The following OTOG variants were observed in gnomAD, a reference collection of about 807,000 sequenced individuals.
OTOG encodes otogelin.
A neutral mutation model predicts 313.8 loss-of-function variants in OTOG; 296 were observed. The ratio of observed to expected loss-of-function variants is 0.94; its 90% CI spans 0.86 to 1.04. The LOEUF is 1.04. Among genes scored for constraint, OTOG ranks in the 50% least tolerant of loss-of-function variants. OTOG has a pLI of 0.00. For missense variants in OTOG, 3,948 were observed against 3,840.1 expected, an observed-to-expected ratio of 1.03 and a Z score of -0.74; for synonymous variants, 1,533 against 1,554.9, an observed-to-expected ratio of 0.99 and a Z score of 0.33.
At chr11:17,561,053 A>G (rs1565092931) in intron 13 of OTOG, 38 bp from the exon 14 acceptor site, 2 of 1,549,472 alleles carry the variant, frequency 1.3e-6, no homozygotes, top group African/African-American at 2.7e-5. Flanking sequence ...TCAGGCCTGG[A>G]GGGGTGACCT....
At position 17,561,738 on chromosome 11, in the gene OTOG, G is replaced by A; in HGVS notation, c.1575G>A (p.Gln525=). The A allele has an allele frequency of 1.3e-6, 2 of 1,550,494 alleles. No individual in the cohort carries two copies. The highest frequency in any genetic ancestry group is 1.4e-5 in the African/African-American group (1 of 73,128). The change falls in exon 15 of 56, where the codon CAG becomes CAA. Residue 525 remains glutamine (Q), a synonymous_variant. Coordinates refer to ENST00000399397, the MANE Select transcript of OTOG (RefSeq NM_001292063.2). ...GGTACACGTTCCCCGCCACATGTCA[G>A]TACATCCTGGCCAAGAGCCGCTCTT... ...GRRYTFPATC[Q]YILAKSRSSG...
intron 24 of OTOG, 29 bp downstream of exon 24, chr11:17,586,610 T>C: frequency 1.6e-6 from 2 of 1,285,888 alleles, no homozygotes; most frequent in Non-Finnish European, 2.0e-6. Flanking sequence ...CAGGCTTTGC[T>C]TTTTTGCTGG....
chr11:17,588,439 G>T (rs926757087), intron 24 of OTOG, among the ~76,000 whole-genome samples: 4 of 151,972 alleles, frequency 2.6e-5, no homozygotes, highest in African/African-American at 9.7e-5. Flanking sequence ...CAGCATGGTC[G>T]GCAGCATGGT....
intron 54 of OTOG, among the ~76,000 whole-genome samples, chr11:17,643,818 C>T (rs1459109980): frequency 6.6e-6 from 1 of 152,230 alleles, no homozygotes; most frequent in Non-Finnish European, 1.5e-5. Flanking sequence ...CCTGCCCCTG[C>T]CAAGGCCCCC....
chr11:17,551,964 G>GC, intron 3 of OTOG, 36 bp from the exon 4 acceptor site: 2 of 1,541,508 alleles, frequency 1.3e-6, no homozygotes, highest in East Asian at 4.9e-5. Context: ...CCTGAGGTCA[G>GC]CCCTCGATGT....
At chr11:17,634,661 C>G (rs1854216585) in intron 44 of OTOG, among the ~76,000 whole-genome samples, 183 bp from the exon 45 acceptor site, 1 of 152,120 alleles carries the variant, frequency 6.6e-6, no homozygotes, top group South Asian at 2.1e-4. Flanking sequence ...TGCTGATCTT[C>G]TGTCCCAGCC....
rs539143651 is a variant in OTOG, at chr11:17,611,222, C to T, written c.5922C>T (p.Ala1974=). 1.3e-6 allele frequency: 2 copies of T among 1,550,452 alleles called. No homozygotes were observed. The highest frequency in any genetic ancestry group is 1.7e-6 in the Non-Finnish European group (2 of 1,147,002). ...TGAGCCGTGTCTCAGCCAGGACGGCCCCCCAAGACAGCATGCTGGTTCTGT... is the reference window on the plus strand; with the variant it reads ...TGAGCCGTGTCTCAGCCAGGACGGCTCCCCAAGACAGCATGCTGGTTCTGT... The part of the protein sequence containing the change: ...YALSRVSART[A]PQDSMLVLLP... The change falls in exon 36 of 56, where the codon GCC becomes GCT. Residue 1974 remains alanine (A), a synonymous_variant. Coordinates refer to ENST00000399397, the MANE Select transcript of OTOG (RefSeq NM_001292063.2).
At chr11:17,555,646 C>T (rs73418056) in intron 6 of OTOG, 133 bp from the exon 7 acceptor site, 16 of 675,360 alleles carry the variant, frequency 2.4e-5, no homozygotes, top group South Asian at 3.6e-5. Flanking sequence ...GGGGACTGAG[C>T]GAGATCACAG....
chr11:17,625,176 A>G (rs185582430), intron 39 of OTOG, among the ~76,000 whole-genome samples: 2 of 152,306 alleles, frequency 1.3e-5, no homozygotes, highest in East Asian at 1.9e-4. Context: ...TGCTCTGGCC[A>G]GGACTTCCAA....
chr11:17,583,581 T>C (rs1852724155), intron 23 of OTOG, among the ~76,000 whole-genome samples: 1 of 152,152 alleles, frequency 6.6e-6, no homozygotes, highest in Non-Finnish European at 1.5e-5. Flanking sequence ...AACACTTTCT[T>C]CTCCCCATGT....
chr11:17,637,147 G>A (rs1258653294), intron 47 of OTOG, among the ~76,000 whole-genome samples: 4 of 152,150 alleles, frequency 2.6e-5, no homozygotes, highest in African/African-American at 7.2e-5. Flanking sequence ...TGCTTTAGTG[G>A]ATACATATCC....
intron 23 of OTOG, among the ~76,000 whole-genome samples, chr11:17,580,495 A>T (rs543364794): frequency 1.3e-5 from 2 of 152,340 alleles, no homozygotes; most frequent in South Asian, 4.1e-4. Flanking sequence ...AATTGAAGGC[A>T]CCTTGAGGAC....
chr11:17,642,203 C>G lies in OTOG; in HGVS notation c.8372C>G (p.Ser2791Cys), dbSNP rs1377828040. 1.3e-6 allele frequency: 2 copies of G among 1,550,134 alleles called. No individual in the cohort carries two copies. The highest frequency in any genetic ancestry group is 1.4e-5 in the African/African-American group (1 of 73,034). Residue 2791 changes from serine to cysteine, a missense_variant, in exon 53 of 56, where the codon TCT becomes TGT. Physicochemically the swap from Ser to Cys is moderately radical, Grantham distance 112. Coordinates refer to ENST00000399397, the MANE Select transcript of OTOG (RefSeq NM_001292063.2). ...STPLGAVLVR[S>C]PISCPPLNET... is the part of the protein sequence containing the mutation. ...CCCCTGGGTGCCGTGCTGGTCCGCT[C>G]TCCCATAAGCTGCCCACCGCTCAAT...
Position 17,578,513 on chromosome 11 carries a change from G to T in OTOG, c.2746G>T (p.Ala916Ser), listed in dbSNP as rs774453668. 6 of 1,536,012 alleles carry T rather than the reference G, an allele frequency of 3.9e-6. No homozygotes were observed. In the African/African-American group the frequency reaches 6.9e-5, roughly 18 times the overall value. The change falls in exon 23 of 56, where the codon GCC (alanine) becomes TCC (serine). Residue 916 changes from alanine (A) to serine (S), a missense_variant. Ala to Ser is a moderately conservative substitution (Grantham distance 99). Coordinates refer to ENST00000399397, the MANE Select transcript of OTOG (RefSeq NM_001292063.2). ...CCGTGGCCCCTGCCTCTCGGGCTGC[G>T]CCTGTCCCCAGGGGTAAGTACCCAT... ...SARGPCLSGC[A>S]CPQGLLRHGD...
intron 32 of OTOG, among the ~76,000 whole-genome samples, chr11:17,605,331 T>C (rs1400268795): frequency 6.6e-6 from 1 of 152,198 alleles, no homozygotes; most frequent in Non-Finnish European, 1.5e-5. Flanking sequence ...TCTCCCTATC[T>C]ATGAGTTGGA....
rs1330142237 is a variant in OTOG, at chr11:17,572,172, C to G, written c.2048C>G (p.Pro683Arg). The G allele has an allele frequency of 1.5e-5, 23 of 1,550,344 alleles. No homozygotes were observed. Among genetic ancestry groups the G allele is most frequent in the Non-Finnish European group, 1.9e-5 (22 of 1,146,944 alleles). ...SACSPLVSGS[P>R]LDPCDVHLQA... ...TGCTCCCCGCTGGTCTCTGGCTCCCCTCTGGACCCCTGCGATGTGCACCTG... is the reference window on the plus strand; with the variant it reads ...TGCTCCCCGCTGGTCTCTGGCTCCCGTCTGGACCCCTGCGATGTGCACCTG... Residue 683 changes from proline (P) to arginine (R), a missense_variant, in exon 18 of 56, where the codon CCT (proline) becomes CGT (arginine). Coordinates refer to ENST00000399397, the MANE Select transcript of OTOG (RefSeq NM_001292063.2).
chr11:17,561,227 G>A (rs1397655232), intron 14 of OTOG, 90 bp downstream of exon 14: 2 of 1,419,538 alleles, frequency 1.4e-6, no homozygotes, highest in Admixed American at 2.0e-5. Flanking sequence ...GGCTTGCTGC[G>A]GGTGGGGATG....
chr11:17,639,920 G>A (rs893311574), intron 49 of OTOG, among the ~76,000 whole-genome samples: 6 of 147,516 alleles, frequency 4.1e-5, no homozygotes, highest in Non-Finnish European at 8.9e-5. Context: ...GGTGAGGATG[G>A]TGGTGGTGGT....
intron 39 of OTOG, among the ~76,000 whole-genome samples, chr11:17,614,313 C>T (rs1853671594): frequency 6.6e-6 from 1 of 152,202 alleles, no homozygotes; most frequent in African/African-American, 2.4e-5. Context: ...CCCTTGAACA[C>T]AGGGTGCGGC....
Sources: allele counts gnomAD v4.1 joint callset (sites outside exome capture counted in the v4.1 genomes callset), GRCh38; gene constraint gnomAD v4.1.1; transcripts MANE v1.5; gene names NCBI Gene and HGNC (gene_info 2026-07-23, HGNC 2026-07-21).